CLVS1: variants seen among roughly 807,000 people sequenced by gnomAD.
CLVS1 encodes clavesin 1, also known as clavesin-1.
Under a neutral mutation model 33.1 loss-of-function variants are expected in CLVS1, and 10 were observed. The observed-to-expected ratio is 0.30, with a 90% CI of 0.19 to 0.51. CLVS1 has a LOEUF of 0.51. Among genes scored for constraint, CLVS1 ranks in the 20% least tolerant of loss-of-function variants. CLVS1 has a pLI of 0.97. For missense variants in CLVS1, 343 were observed against 433.4 expected, an observed-to-expected ratio of 0.79 and a Z score of 1.85; for synonymous variants, 163 against 166.1, an observed-to-expected ratio of 0.98 and a Z score of 0.14.
At chr8:61,125,471 C>T (rs988803966) in intron 1 of CLVS1, among the ~76,000 whole-genome samples, 1 of 152,198 alleles carries the variant, frequency 6.6e-6, no homozygotes, top group African/African-American at 2.4e-5. Context: ...TTTGGTCTTT[C>T]TCTTCCAGAT....
In CLVS1 at chr8:61,296,299, C is replaced by T. The variant is rs919076183; in HGVS notation, c.-151-3378C>T. 2.0e-5 allele frequency among the ~76,000 whole-genome samples: 3 copies of T among 152,194 alleles called. No homozygotes were observed. The South Asian group carries it at 6.2e-4, about 32-fold the overall frequency. On this transcript the variant is annotated intron_variant, in intron 1 of 5. Coordinates refer to ENST00000325897, the MANE Select transcript of CLVS1 (RefSeq NM_173519.3). The stretch of plus-strand genomic sequence containing the variant: ...CACAGAATAAAGATATAGATTGAAG[C>T]AAATTTATTTCACATATTATAGATT...
At chr8:61,490,319 G>A (rs1362693103) in intron 5 of CLVS1, among the ~76,000 whole-genome samples, 9 of 143,172 alleles carry the variant, frequency 6.3e-5, no homozygotes, top group African/African-American at 2.1e-4. Context: ...GCAAAACTCC[G>A]TCTCAAAAAA....
At chr8:61,369,267 A>G (rs555625089) in intron 2 of CLVS1, among the ~76,000 whole-genome samples, 3 of 152,228 alleles carry the variant, frequency 2.0e-5, no homozygotes, top group Admixed American at 6.5e-5. Flanking sequence ...AAAGCCAAAC[A>G]TTTTTCATTA....
At chr8:61,375,536 C>A (rs1430768450) in intron 2 of CLVS1, among the ~76,000 whole-genome samples, 1 of 152,174 alleles carries the variant, frequency 6.6e-6, no homozygotes, top group African/African-American at 2.4e-5. Flanking sequence ...CAGGCTTTAG[C>A]CACCGCCTGG....
At chr8:61,085,024 G>A (rs945715190) in intron 1 of CLVS1, among the ~76,000 whole-genome samples, 6 of 152,160 alleles carry the variant, frequency 3.9e-5, no homozygotes, top group African/African-American at 1.2e-4. Context: ...GGAATTAGTG[G>A]AATGAAAAAA....
At chr8:61,102,026 TGA>T (rs1316718784) in intron 1 of CLVS1, among the ~76,000 whole-genome samples, 1 of 152,166 alleles carries the variant, frequency 6.6e-6, no homozygotes, top group Non-Finnish European at 1.5e-5. Flanking sequence ...TTGGGAAATG[TGA>T]GTTTTCCAAC....
At position 61,500,769 on chromosome 8, in the gene CLVS1, CTCAAAG is replaced by C. The variant is rs765253006; in HGVS notation, c.*1233_*1238del. On this transcript the variant is annotated 3_prime_UTR_variant, in exon 6 of 6. Transcript: ENST00000325897. The stretch of plus-strand genomic sequence containing the variant: ...TATTTATTAGTATTACCAGTTGGTG[CTCAAAG>C]TCAAACAAAAATATTTTAGTTAATA... 1 of 152,052 alleles carries C rather than the reference CTCAAAG, an allele frequency of 6.6e-6. No homozygotes were observed. Among genetic ancestry groups the C allele is most frequent in the Non-Finnish European group, 1.5e-5 (1 of 68,026 alleles). The allele number at this position is 152,052 out of a possible 1,614,324, so 9.4% of individuals were successfully genotyped here. A position where few individuals can be genotyped will look rare whatever the true frequency, so the allele number is the denominator to read the frequency against.
chr8:61,438,316 A>C (rs1230723889), intron 3 of CLVS1, among the ~76,000 whole-genome samples: 1 of 152,160 alleles, frequency 6.6e-6, no homozygotes, highest in Non-Finnish European at 1.5e-5. Flanking sequence ...GTTGAGGATA[A>C]TGACTTCCAC....
intron 5 of CLVS1, among the ~76,000 whole-genome samples, chr8:61,482,941 A>G (rs1420789225): frequency 6.6e-6 from 1 of 151,702 alleles, no homozygotes; most frequent in Non-Finnish European, 1.5e-5. Flanking sequence ...CATTTAAAGC[A>G]GTGTGTAGAG....
intron 3 of CLVS1, among the ~76,000 whole-genome samples, chr8:61,451,737 G>A (rs1237533637): frequency 1.1e-4 from 16 of 151,888 alleles, no homozygotes; most frequent in African/African-American, 3.9e-4. Context: ...ATAATGATGT[G>A]TTGACCATGA....
intron 2 of CLVS1, among the ~76,000 whole-genome samples, chr8:61,336,876 TAAAAC>T (rs1473518168): frequency 6.6e-6 from 1 of 151,236 alleles, no homozygotes; most frequent in East Asian, 1.9e-4. Flanking sequence ...CAGGAAAAAA[TAAAAC>T]AAACAAACAA....
At chr8:61,295,822 A>G (rs1389406567) in intron 1 of CLVS1, among the ~76,000 whole-genome samples, 1 of 152,122 alleles carries the variant, frequency 6.6e-6, no homozygotes, top group Non-Finnish European at 1.5e-5. Flanking sequence ...GGACAATAAT[A>G]TACTCATTTC....
intron 3 of CLVS1, among the ~76,000 whole-genome samples, chr8:61,379,006 A>G (rs1047516585): frequency 6.6e-6 from 1 of 152,194 alleles, no homozygotes; most frequent in African/African-American, 2.4e-5. Flanking sequence ...TTCCAACACC[A>G]CTGGCAGACT....
chr8:61,385,998 CA>C (rs1401549070), intron 3 of CLVS1, among the ~76,000 whole-genome samples: 1 of 152,148 alleles, frequency 6.6e-6, no homozygotes, highest in Admixed American at 6.5e-5. Flanking sequence ...ACTTACTGTC[CA>C]ATACATCACC....
Position 61,334,034 on chromosome 8 carries a change from G to A in CLVS1, c.455+33752G>A, listed in dbSNP as rs142013425. On this transcript the variant is annotated intron_variant, in intron 2 of 5. Transcript: ENST00000325897. ...ATGTCCCTGCAAAAGACATGATCTT[G>A]TTCTTTTTATGTCTGTGTAGTATTC... Among the ~76,000 whole-genome samples the A allele has an allele frequency of 7.4e-4, 112 of 152,218 alleles. 1 individual carries two copies. The highest frequency in any genetic ancestry group is 2.6e-3 in the African/African-American group (109 of 41,528).
chr8:61,329,816 A>G (rs1811526588), intron 2 of CLVS1, among the ~76,000 whole-genome samples: 1 of 152,270 alleles, frequency 6.6e-6, no homozygotes, highest in South Asian at 2.1e-4. Flanking sequence ...CCTTCCCTAT[A>G]TAACCTTTTG....
chr8:61,471,667 C>T (rs1037822656), intron 5 of CLVS1, among the ~76,000 whole-genome samples: 6 of 152,178 alleles, frequency 3.9e-5, no homozygotes, highest in African/African-American at 1.4e-4. Flanking sequence ...AGCACCCCTA[C>T]CTCCCTTCCT....
At chr8:60,992,047 C>A in the CLVS1 span, among the ~76,000 whole-genome samples, 1 of 152,162 alleles carries the variant, frequency 6.6e-6, no homozygotes, top group African/African-American at 2.4e-5. Flanking sequence ...CACACCTGGC[C>A]TCCTGCTGCT....
At chr8:61,421,263 A>G (rs932016553) in intron 3 of CLVS1, among the ~76,000 whole-genome samples, 1 of 152,306 alleles carries the variant, frequency 6.6e-6, no homozygotes, top group East Asian at 1.9e-4. Flanking sequence ...CTGTACCACC[A>G]CAAGCATCAC....
Sources: allele counts gnomAD v4.1 joint callset (sites outside exome capture counted in the v4.1 genomes callset), GRCh38; gene constraint gnomAD v4.1.1; transcripts MANE v1.5; gene names NCBI Gene and HGNC (gene_info 2026-07-23, HGNC 2026-07-21).